The following MED15 variants were observed in gnomAD, a reference collection of about 807,000 sequenced individuals.
The protein encoded by MED15 is mediator complex subunit 15.
Under a neutral mutation model 118.7 loss-of-function variants are expected in MED15, and 41 were observed. The observed-to-expected ratio is 0.35, with a 90% confidence interval of 0.27 to 0.45. MED15 has a LOEUF of 0.45. MED15 is among the 20% of genes least tolerant of loss of function. The probability of loss-of-function intolerance (pLI) is 1.00; values close to 1 mark genes in which losing one functional copy is unlikely to be tolerated. For synonymous variants in MED15, 436 were observed against 413.9 expected, an observed-to-expected ratio of 1.05 and a Z score of -0.65; for missense variants, 740 against 1,025.5, an observed-to-expected ratio of 0.72 and a Z score of 3.80.
chr22:20,581,467 G>A (rs2056979753), intron 9 of MED15, among the ~76,000 whole-genome samples: 2 of 152,194 alleles, frequency 1.3e-5, no homozygotes, highest in African/African-American at 4.8e-5. Flanking sequence ...GAGTGCCCCA[G>A]GAGAAGCACT....
intron 5 of MED15, among the ~76,000 whole-genome samples, chr22:20,561,087 T>A (rs1045659188): frequency 6.6e-6 from 1 of 151,988 alleles, no homozygotes; most frequent in Non-Finnish European, 1.5e-5. Flanking sequence ...AATTGAAAAA[T>A]TATTGCTAAA....
rs377322170 is a variant in MED15 at position 20,559,054 on chromosome 22, G to T, written c.451+3906G>T. 1.2e-4 allele frequency among the ~76,000 whole-genome samples: 18 copies of T among 152,272 alleles called. No individual in the cohort carries two copies. The East Asian group carries it at 3.1e-3, about 26-fold the overall frequency. ...GACTACACTCCTGGCTACTCGGGAG[G>T]CTAAGGCAGGGGGATTGCTTGAGGC... On this transcript the variant is annotated intron_variant, in intron 5 of 17. Coordinates refer to ENST00000263205, the MANE Select transcript of MED15 (RefSeq NM_001003891.3).
chr22:20,561,407 C>T (rs577073902), intron 5 of MED15, among the ~76,000 whole-genome samples: 1 of 152,026 alleles, frequency 6.6e-6, no homozygotes, highest in South Asian at 2.1e-4. Flanking sequence ...GTAATCCCAG[C>T]TACTTGGGAG....
At chr22:20,533,685 C>T (rs73879395) in intron 1 of MED15, among the ~76,000 whole-genome samples, 2,476 of 152,294 alleles carry the variant, frequency 0.016, 68 homozygotes, top group African/African-American at 0.056. Context: ...CCTGTCAAGA[C>T]TTGCCTGTTT....
intron 2 of MED15, among the ~76,000 whole-genome samples, chr22:20,546,950 A>T (rs1419703418): frequency 6.6e-6 from 1 of 152,230 alleles, no homozygotes; most frequent in Non-Finnish European, 1.5e-5. Flanking sequence ...AACAGAACTA[A>T]GAAAAAACAT....
intron 2 of MED15, chr22:20,551,080 C>T (rs1292676048): frequency 7.7e-6 from 4 of 517,070 alleles, no homozygotes; most frequent in African/African-American, 1.9e-5. Flanking sequence ...AGGCCTTGTG[C>T]CCTCAGGCCA....
chr22:20,510,509 G>A (rs2054025689), intron 1 of MED15, among the ~76,000 whole-genome samples: 1 of 152,218 alleles, frequency 6.6e-6, no homozygotes, highest in African/African-American at 2.4e-5. Context: ...GACGTTGGCA[G>A]GGTGCATTTC....
At chr22:20,546,836 G>A (rs2055562403) in intron 2 of MED15, among the ~76,000 whole-genome samples, 1 of 152,106 alleles carries the variant, frequency 6.6e-6, no homozygotes, top group Admixed American at 6.5e-5. Flanking sequence ...ACCCAGATTG[G>A]CTGCTCCTCT....
chr22:20,513,715 C>G (rs1276287049), intron 1 of MED15, among the ~76,000 whole-genome samples: 1 of 152,182 alleles, frequency 6.6e-6, no homozygotes, highest in Non-Finnish European at 1.5e-5. Flanking sequence ...GAGCTCCCTG[C>G]CACCACCTCC....
chr22:20,568,068 T>C (rs529500602), intron 7 of MED15, among the ~76,000 whole-genome samples: 5 of 152,346 alleles, frequency 3.3e-5, no homozygotes, highest in African/African-American at 1.2e-4. Context: ...CTTGATCTCC[T>C]GGGCTTAAGC....
Position 20,585,186 on chromosome 22 carries a change from A to C in MED15, c.2050A>C (p.Arg684=). The change falls in exon 16 of 18, where the codon AGG becomes CGG. Residue 684 remains arginine (R), a synonymous_variant. Coordinates refer to ENST00000263205, the MANE Select transcript of MED15 (RefSeq NM_001003891.3). ...CAGTGTGCTCCAGGGTGAGGTGGCC[A>C]GGCTGGACCCCAAGTTCCTGGTAAA... ...IPSVLQGEVA[R]LDPKFLVNLD... The C allele has an allele frequency of 2.5e-6, 4 of 1,613,832 alleles. No homozygotes were observed. The highest frequency in any genetic ancestry group is 3.4e-6 in the Non-Finnish European group (4 of 1,180,018).
At chr22:20,509,981 C>T (rs1337443691) in intron 1 of MED15, among the ~76,000 whole-genome samples, 2 of 152,124 alleles carry the variant, frequency 1.3e-5, no homozygotes, top group Non-Finnish European at 2.9e-5. Context: ...CTTCATAACT[C>T]AGCTTTATTT....
chr22:20,523,949 G>T, intron 1 of MED15: 1 of 584,024 alleles, frequency 1.7e-6, no homozygotes. Context: ...GGGGTGTACA[G>T]TGTTTGAAGT....
At chr22:20,567,892 CTG>C (rs1291071329) in intron 7 of MED15, among the ~76,000 whole-genome samples, 1 of 152,114 alleles carries the variant, frequency 6.6e-6, no homozygotes, top group African/African-American at 2.4e-5. Flanking sequence ...GACAGGGTCT[CTG>C]TTTTCCAGGC....
intron 2 of MED15, among the ~76,000 whole-genome samples, chr22:20,549,258 GTCATGATGT>G (rs2055678404): frequency 6.6e-6 from 1 of 152,338 alleles, no homozygotes; most frequent in South Asian, 2.1e-4. Flanking sequence ...AGCTGTTACT[GTCATGATGT>G]TCATTGTTTA....
Position 20,582,759 on chromosome 22 carries a change from C to G in MED15, c.1409+12C>G. On this transcript the variant is annotated intron_variant, in intron 10 of 17. Coordinates refer to ENST00000263205, the MANE Select transcript of MED15 (RefSeq NM_001003891.3). ...AACTCCAACGTCAGGTAGGCCTGGC[C>G]TGGGGTGCCCCTCCCCACCTGGCCC... 6.3e-7 allele frequency: 1 copy of G among 1,589,198 alleles called. No homozygotes were observed. The highest frequency in any genetic ancestry group is 1.1e-5 in the South Asian group (1 of 89,540).
At position 20,583,213 on chromosome 22, in the gene MED15, G is replaced by T. The variant is rs1294720420; in HGVS notation, c.1638G>T (p.Leu546=). Residue 546 remains leucine, a synonymous_variant, in exon 12 of 18, where the codon CTG becomes CTT. Coordinates refer to ENST00000263205, the MANE Select transcript of MED15 (RefSeq NM_001003891.3). ...AGCTGTCGAAGTACATCGAGCCCCT[G>T]CGCCGCATGATCAACAAGATCGACA... ...LKQLSKYIEP[L]RRMINKIDKN... is the part of the protein sequence containing the mutation. 1 of 1,612,030 alleles carries T rather than the reference G, an allele frequency of 6.2e-7. No individual in the cohort carries two copies. Among genetic ancestry groups the T allele is most frequent in the African/African-American group, 1.3e-5 (1 of 74,904 alleles).
At chr22:20,509,662 G>A (rs771648856) in intron 1 of MED15, among the ~76,000 whole-genome samples, 2 of 152,198 alleles carry the variant, frequency 1.3e-5, no homozygotes, top group Non-Finnish European at 2.9e-5. Context: ...ACAGTGGAAA[G>A]AGTAGGGACT....
At chr22:20,551,973 C>T (rs1601558562) in intron 3 of MED15, among the ~76,000 whole-genome samples, 1 of 152,208 alleles carries the variant, frequency 6.6e-6, no homozygotes, top group Admixed American at 6.5e-5. Flanking sequence ...GTTAACCTCA[C>T]GTTGTGCCTC....
Sources: gnomAD v4.1 joint callset for allele counts (sites outside exome capture counted in the v4.1 genomes callset) on GRCh38, gnomAD v4.1.1 for gene constraint, MANE v1.5 for transcripts, NCBI Gene and HGNC (gene_info 2026-07-23, HGNC 2026-07-21) for gene names.